CAMTA1: variants seen among roughly 807,000 people sequenced by gnomAD.
The protein encoded by CAMTA1 is calmodulin-binding transcription activator 1.
In CAMTA1, 27 loss-of-function variants were observed where a neutral mutation model predicts 170.9. That is an observed-to-expected ratio of 0.16 (90% CI 0.12 to 0.22). CAMTA1 has a LOEUF of 0.22. Among genes scored for constraint, CAMTA1 ranks in the 10% least tolerant of loss-of-function variants. The pLI, the probability that CAMTA1 is intolerant of heterozygous loss-of-function variation, is 1.00. For missense variants in CAMTA1, 1,619 were observed against 2,217.2 expected (o/e 0.73, Z 5.42); for synonymous variants, 833 against 891.5 (o/e 0.93, Z 1.17).
intron 5 of CAMTA1, among the ~76,000 whole-genome samples, chr1:7,304,733 T>C (rs2149574041): frequency 6.6e-6 from 1 of 152,098 alleles, no homozygotes; most frequent in South Asian, 2.1e-4. Context: ...TTGGTTTTTT[T>C]TCTTATCGGT....
intron 4 of CAMTA1, among the ~76,000 whole-genome samples, chr1:7,230,440 C>CCG (rs1662547825): frequency 1.2e-5 from 1 of 85,504 alleles, no homozygotes. Flanking sequence ...TGACCCCCCC[C>CCG]CCCCGCCCCG....
At chr1:6,969,490 C>T (rs79610279) in intron 3 of CAMTA1, among the ~76,000 whole-genome samples, 2,378 of 152,232 alleles carry the variant, frequency 0.016, 52 homozygotes, top group African/African-American at 0.053. Flanking sequence ...TGCTTTGGGG[C>T]GGTGAGGAGG....
intron 6 of CAMTA1, among the ~76,000 whole-genome samples, chr1:7,584,026 G>A (rs576539361): frequency 6.6e-6 from 1 of 152,290 alleles, no homozygotes; most frequent in South Asian, 2.1e-4. Context: ...CTCAGAGAGG[G>A]GGTGTCACGG....
chr1:7,647,864 A>G (rs929288649), intron 7 of CAMTA1, among the ~76,000 whole-genome samples: 1 of 152,244 alleles, frequency 6.6e-6, no homozygotes, highest in East Asian at 1.9e-4. Context: ...CAGGAGGGTT[A>G]CTTGAGCCCA....
At chr1:7,265,404 C>T (rs926541592) in intron 5 of CAMTA1, among the ~76,000 whole-genome samples, 2 of 152,130 alleles carry the variant, frequency 1.3e-5, no homozygotes, top group African/African-American at 4.8e-5. Flanking sequence ...ACCTCTGCTT[C>T]CCGGGTTCAA....
At chr1:7,155,062 G>T (rs1476434204) in intron 4 of CAMTA1, among the ~76,000 whole-genome samples, 1 of 152,210 alleles carries the variant, frequency 6.6e-6, no homozygotes, top group Non-Finnish European at 1.5e-5. Flanking sequence ...ATGAGTAAAA[G>T]GTACACGGCT....
In CAMTA1 at chr1:6,887,345, C is replaced by T. The variant is rs1339480025; in HGVS notation, c.234+62135C>T. On this transcript the variant is annotated intron_variant, in intron 3 of 22. Coordinates refer to ENST00000303635, the MANE Select transcript of CAMTA1 (RefSeq NM_015215.4). This position sits in a 1 kb window ranked among gnomAD's most constrained non-coding sequence, Gnocchi z 4.1. Reference sequence around the variant, plus strand: ...GTTTTGTGGCCTCTTAAAGATAAAACCTACAACCCAATAAAAGTCATGCTG... The same window carrying T: ...GTTTTGTGGCCTCTTAAAGATAAAATCTACAACCCAATAAAAGTCATGCTG... Among the ~76,000 whole-genome samples the T allele has an allele frequency of 1.3e-5, 2 of 152,060 alleles. No homozygotes were observed. The highest frequency in any genetic ancestry group is 4.8e-5 in the African/African-American group (2 of 41,408).
At chr1:6,801,814 TAAA>T (rs34313253) in intron 1 of CAMTA1, among the ~76,000 whole-genome samples, 3 of 141,488 alleles carry the variant, frequency 2.1e-5, no homozygotes, top group African/African-American at 7.8e-5. Context: ...AATCACACAT[TAAA>T]AAAAAAAAAA....
chr1:7,455,037 A>G lies in CAMTA1; in HGVS notation c.439-12793A>G, dbSNP rs975692756. ...CCCCTGCTCCGTGCCAGAGCCTCGG[A>G]GGTTCCGATGCACTCAGGGCCCTGG... On this transcript the variant is annotated intron_variant, in intron 5 of 22. Coordinates refer to ENST00000303635, the MANE Select transcript of CAMTA1 (RefSeq NM_015215.4). This position sits in a 1 kb window ranked among gnomAD's most constrained non-coding sequence, Gnocchi z 5.0. 1.3e-5 allele frequency among the ~76,000 whole-genome samples: 2 copies of G among 152,106 alleles called. No individual in the cohort carries two copies. The highest frequency in any genetic ancestry group is 6.3e-3 in the Middle Eastern group (2 of 316).
intron 6 of CAMTA1, among the ~76,000 whole-genome samples, chr1:7,507,374 CCTGCAGGCTG>C (rs2094135557): frequency 6.6e-6 from 1 of 152,132 alleles, no homozygotes; most frequent in Non-Finnish European, 1.5e-5. Context: ...TGCACAGGTG[CCTGCAGGCTG>C]CAGGCTGGGG....
intron 3 of CAMTA1, among the ~76,000 whole-genome samples, chr1:6,885,235 T>G (rs1571366892): frequency 1.3e-5 from 2 of 152,194 alleles, no homozygotes; most frequent in East Asian, 3.8e-4. Context: ...CTCTTGTAAA[T>G]TACAACACAT....
At chr1:7,152,625 AG>A (rs1349913016) in intron 4 of CAMTA1, among the ~76,000 whole-genome samples, 2 of 152,308 alleles carry the variant, frequency 1.3e-5, no homozygotes, top group East Asian at 3.9e-4. Context: ...CTCAGGGAGA[AG>A]GGGAGGGTGC....
intron 4 of CAMTA1, among the ~76,000 whole-genome samples, chr1:7,130,694 C>T (rs115838347): frequency 2.0e-5 from 3 of 152,218 alleles, no homozygotes; most frequent in African/African-American, 4.8e-5. Context: ...TCTCTAATGA[C>T]GGATGATGCT....
intron 3 of CAMTA1, among the ~76,000 whole-genome samples, chr1:6,879,979 T>C (rs1671049222): frequency 6.6e-6 from 1 of 152,096 alleles, no homozygotes; most frequent in Non-Finnish European, 1.5e-5. Flanking sequence ...AACGGCATTA[T>C]GCCTCGCTTC....
At chr1:7,401,896 C>T (rs1348541213) in intron 5 of CAMTA1, among the ~76,000 whole-genome samples, 1 of 152,150 alleles carries the variant, frequency 6.6e-6, no homozygotes, top group Admixed American at 6.5e-5. Context: ...AGGCTGTTTC[C>T]TTAGCAGCAG....
chr1:7,754,099 G>A (rs952432809), intron 21 of CAMTA1, among the ~76,000 whole-genome samples: 13 of 152,078 alleles, frequency 8.5e-5, no homozygotes, highest in African/African-American at 1.9e-4. Context: ...TCTCCAATAC[G>A]TTCATAGTTC....
chr1:7,667,353 G>C (rs1007528010), intron 9 of CAMTA1, among the ~76,000 whole-genome samples: 3 of 152,192 alleles, frequency 2.0e-5, no homozygotes, highest in African/African-American at 7.2e-5. Context: ...GCCAGGATCA[G>C]GGTGCGGGGG....
intron 3 of CAMTA1, among the ~76,000 whole-genome samples, chr1:6,998,737 C>T (rs992417469): frequency 6.6e-6 from 1 of 152,176 alleles, no homozygotes; most frequent in African/African-American, 2.4e-5. Flanking sequence ...GGTGGATGCT[C>T]AATAAATATT....
intron 3 of CAMTA1, among the ~76,000 whole-genome samples, chr1:7,003,909 CATT>C (rs1290557701): frequency 1.3e-5 from 2 of 152,190 alleles, no homozygotes; most frequent in Admixed American, 6.5e-5. Context: ...GATTATTCAT[CATT>C]GTTATTTTTG....
Sources: gnomAD v4.1 joint callset for allele counts (sites outside exome capture counted in the v4.1 genomes callset) on GRCh38, gnomAD v4.1.1 for gene constraint, Gnocchi (gnomAD v3.1) non-coding constraint, MANE v1.5 for transcripts, NCBI Gene and HGNC (gene_info 2026-07-23, HGNC 2026-07-21) for gene names.